TBC1D25: variants seen among roughly 807,000 people sequenced by gnomAD.
The protein encoded by TBC1D25 is 5SN3 snoRNA.
TBC1D25 carries 13 observed loss-of-function variants against 38.8 expected under a neutral mutation model. The ratio of observed to expected loss-of-function variants is 0.34; its 90% CI spans 0.22 to 0.53. The LOEUF is 0.53. Among genes scored for constraint, TBC1D25 ranks in the 20% least tolerant of loss-of-function variants. The pLI is 0.94. For synonymous variants in TBC1D25, 225 were observed against 255.6 expected, an observed-to-expected ratio of 0.88 and a Z score of 1.14; for missense variants, 372 against 600.0, an observed-to-expected ratio of 0.62 and a Z score of 3.97.
chrX:48,543,246 A>AT (rs1244048144), intron 2 of TBC1D25, among the ~76,000 whole-genome samples: 8 of 106,737 alleles, frequency 7.5e-5, no homozygotes, highest in African/African-American at 1.0e-4. Context: ...TTTAAAAAAA[A>AT]TTTTTTTTTT....
rs138192294 is a variant in TBC1D25, at chrX:48,544,736, T to G, written c.234-133T>G. 6.6e-4 allele frequency: 546 copies of G among 829,298 alleles called. 2 individuals carry two copies. The East Asian group carries it at 0.019, about 28-fold the overall frequency. The allele number at this position is 829,298 out of a possible 1,213,427, so 68.3% of individuals were successfully genotyped here. A position where few individuals can be genotyped will look rare whatever the true frequency, so the allele number is the denominator to read the frequency against. ...CCTGATCTCAGGCTGCCCATAATCC[T>G]TGGCACAGTACCTTGCACATAGTAG... On this transcript the variant is annotated intron_variant, in intron 2 of 5. Transcript: ENST00000376771.
Position 48,546,453 on chromosome X carries a change from C to T in TBC1D25, c.388+1430C>T, listed in dbSNP as rs781887602. The stretch of plus-strand genomic sequence containing the variant: ...GCATGAACCCGGGAGGCGGAGCTTG[C>T]AGTGAGCCAAGATCGCACCACTGCA... On this transcript the variant is annotated intron_variant, in intron 3 of 5. Transcript: ENST00000376771. Among the ~76,000 whole-genome samples, 190 of 110,471 alleles carry T rather than the reference C, an allele frequency of 1.7e-3. 2 individuals are homozygous for T. Among genetic ancestry groups the T allele is most frequent in the South Asian group, 8.0e-3 (21 of 2,641 alleles).
At chrX:48,543,814 G>A (rs1187561327) in intron 2 of TBC1D25, among the ~76,000 whole-genome samples, 1 of 107,100 alleles carries the variant, frequency 9.3e-6, no homozygotes, top group Non-Finnish European at 1.9e-5. Flanking sequence ...GGCCCGGGAG[G>A]CGGAGCTTGC....
chrX:48,552,234 T>C (rs1253553945), intron 3 of TBC1D25, among the ~76,000 whole-genome samples: 1 of 111,555 alleles, frequency 9.0e-6, no homozygotes, highest in Non-Finnish European at 1.9e-5. Flanking sequence ...TCGCCCAGAC[T>C]GGAGTGCAGT....
intron 5 of TBC1D25, 96 bp downstream of exon 5, chrX:48,559,442 T>G (rs1602119827): frequency 9.1e-7 from 1 of 1,093,630 alleles, no homozygotes; most frequent in African/African-American, 2.0e-5. Context: ...TGGGCAAGGG[T>G]GGAGATGTTA....
intron 1 of TBC1D25, among the ~76,000 whole-genome samples, chrX:48,540,533 G>C (rs782652041): frequency 1.8e-5 from 2 of 112,084 alleles, no homozygotes; most frequent in Non-Finnish European, 3.8e-5. Flanking sequence ...CAAGGGCAAA[G>C]ACTAGAGGAT....
At chrX:48,557,400 T>G (rs2061984042) in intron 3 of TBC1D25, among the ~76,000 whole-genome samples, 2 of 110,707 alleles carry the variant, frequency 1.8e-5, no homozygotes, top group Non-Finnish European at 3.8e-5. Flanking sequence ...TCCCAGTACC[T>G]TGGGAGGCCG....
rs1468601429 is a variant in TBC1D25, at chrX:48,545,705, T to C, written c.388+682T>C. On this transcript the variant is annotated intron_variant, in intron 3 of 5. Transcript: ENST00000376771. ...TTGTATCAGTATTAAATTTCCTGGG[T>C]GTGTGTCTTAGTCGTTTTGTGCTAC... 3.6e-5 allele frequency among the ~76,000 whole-genome samples: 4 copies of C among 111,958 alleles called. No individual in the cohort carries two copies. In the South Asian group the frequency reaches 1.5e-3, roughly 41 times the overall value.
At position 48,559,530 on chromosome X, in the gene TBC1D25, G is replaced by C. The variant is rs782192148; in HGVS notation, c.706-84G>C. On this transcript the variant is annotated intron_variant, in intron 5 of 5. Transcript: ENST00000376771. ...CTTAGAAGGAAGACAGAGGCCCAAG[G>C]GGGGTGGGTGGGTGGCAACTGATAG... 354 of 1,138,407 alleles carry C rather than the reference G, an allele frequency of 3.1e-4. 1 individual carries two copies. The African/African-American group carries it at 5.8e-3, about 19-fold the overall frequency. 93.8% of individuals were successfully genotyped at this position (1,138,407 alleles called of 1,213,427 possible).
intron 3 of TBC1D25, among the ~76,000 whole-genome samples, chrX:48,558,328 T>A (rs1333936121): frequency 9.0e-6 from 1 of 111,435 alleles, no homozygotes; most frequent in Non-Finnish European, 1.9e-5. Flanking sequence ...GTGCACTGTT[T>A]GTGGGAGGAG....
intron 3 of TBC1D25, among the ~76,000 whole-genome samples, chrX:48,551,426 C>T (rs1556983241): frequency 9.0e-6 from 1 of 110,851 alleles, no homozygotes; most frequent in Non-Finnish European, 1.9e-5. Flanking sequence ...CTCCCAGGTT[C>T]AAGCGATTCT....
At chrX:48,546,306 G>C (rs1386464218) in intron 3 of TBC1D25, among the ~76,000 whole-genome samples, 1 of 108,349 alleles carries the variant, frequency 9.2e-6, no homozygotes, top group East Asian at 2.9e-4. Flanking sequence ...AAGGTCAGGA[G>C]ATCGAGACCA....
chrX:48,560,863 G>A lies in TBC1D25; in HGVS notation c.1955G>A (p.Arg652Gln). The change falls in exon 6 of 6, where the codon CGA becomes CAA. Residue 652 changes from arginine (R) to glutamine (Q), a missense_variant. Arg to Gln is a conservative substitution (Grantham distance 43, BLOSUM62 1). Coordinates refer to ENST00000376771, the MANE Select transcript of TBC1D25 (RefSeq NM_002536.4). ...GCCATGCACTTTGACCGCCTTGTGC[G>A]AAAACACCACCTGGGGCGCGTCCTG... ...ELAMHFDRLV[R>Q]KHHLGRVLRR... 2.5e-6 allele frequency: 3 copies of A among 1,212,418 alleles called. No homozygotes were observed. Among genetic ancestry groups the A allele is most frequent in the Non-Finnish European group, 3.3e-6 (3 of 895,694 alleles).
At position 48,554,818 on chromosome X, in the gene TBC1D25, G is replaced by A. The variant is rs782026333; in HGVS notation, c.389-4079G>A. 5.4e-5 allele frequency among the ~76,000 whole-genome samples: 6 copies of A among 111,880 alleles called. No individual in the cohort carries two copies. The East Asian group carries it at 1.7e-3, about 31-fold the overall frequency. ...TCATTGAACCTTAGCTCCATGCCTT[G>A]CAGTGGTTCTTCTGTTCAGACTTTC... is the stretch of plus-strand genomic sequence containing the variant. On this transcript the variant is annotated intron_variant, in intron 3 of 5. Transcript: ENST00000376771.
At chrX:48,551,671 TG>T (rs1556983318) in intron 3 of TBC1D25, among the ~76,000 whole-genome samples, 1 of 104,759 alleles carries the variant, frequency 9.5e-6, no homozygotes, top group African/African-American at 3.6e-5. Context: ...TTGCCCAGGC[TG>T]GAGTGCAGTG....
chrX:48,561,201 T>C lies in TBC1D25; in HGVS notation c.*226T>C. 2.6e-6 allele frequency: 1 copy of C among 380,792 alleles called. No homozygotes were observed. The highest frequency in any genetic ancestry group is 4.4e-6 in the Non-Finnish European group (1 of 225,690). 31.4% of individuals were successfully genotyped at this position (380,792 alleles called of 1,213,427 possible). A position where few individuals can be genotyped will look rare whatever the true frequency, so the allele number is the denominator to read the frequency against. The stretch of plus-strand genomic sequence containing the variant: ...GTTGTTTTGTTTTTAACAACTATAC[T>C]TTGCACACATGAAGGTCACTGTGGT... On this transcript the variant is annotated 3_prime_UTR_variant, in exon 6 of 6. Transcript: ENST00000376771.
In TBC1D25 at chrX:48,560,893, G is replaced by A. The variant is rs199607799; in HGVS notation, c.1985G>A (p.Arg662Gln). ...CACCACCTGGGGCGCGTCCTGCGCC[G>A]GGCTAGGGCTCTCTTTGCTGATTAC... is the stretch of plus-strand genomic sequence containing the variant. The part of the protein sequence containing the change: ...RKHHLGRVLR[R>Q]ARALFADYLQ... Residue 662 changes from arginine to glutamine, a missense_variant, in exon 6 of 6, where the codon CGG becomes CAG. Arg to Gln is a conservative substitution (Grantham distance 43). This residue lies in a region of TBC1D25 where 312 missense variants were observed against 549.3 expected (regional missense o/e 0.57). Coordinates refer to ENST00000376771, the MANE Select transcript of TBC1D25 (RefSeq NM_002536.4). 209 of 1,210,953 alleles carry A rather than the reference G, an allele frequency of 1.7e-4. No homozygotes were observed. The highest frequency in any genetic ancestry group is 2.2e-4 in the Non-Finnish European group (195 of 895,424).
chrX:48,561,398 C>G lies in TBC1D25; in HGVS notation c.*423C>G, dbSNP rs968524862. On this transcript the variant is annotated 3_prime_UTR_variant, in exon 6 of 6. Transcript: ENST00000376771. ...TTCCCAAAGGTGAGCCCAGGTGGAG[C>G]ACTGCTTGAGGAAGGCCTGAGTCTG... 1 of 136,720 alleles carries G rather than the reference C, an allele frequency of 7.3e-6. No homozygotes were observed. The highest frequency in any genetic ancestry group is 1.4e-5 in the Non-Finnish European group (1 of 69,479). The allele number at this position is 136,720 out of a possible 1,213,427, so 11.3% of individuals were successfully genotyped here. A position where few individuals can be genotyped will look rare whatever the true frequency, so the allele number is the denominator to read the frequency against.
At chrX:48,543,666 C>G (rs1390551174) in intron 2 of TBC1D25, among the ~76,000 whole-genome samples, 1 of 106,483 alleles carries the variant, frequency 9.4e-6, no homozygotes, top group Non-Finnish European at 1.9e-5. Flanking sequence ...AGGTGGATCA[C>G]GAGGTCAGGA....
Sources: gnomAD v4.1 joint callset for allele counts (sites outside exome capture counted in the v4.1 genomes callset) on GRCh38, gnomAD v4.1.1 for gene constraint, gnomAD v4.1.1 regional missense constraint, MANE v1.5 for transcripts, NCBI Gene and HGNC (gene_info 2026-07-23, HGNC 2026-07-21) for gene names.